The following HELZ variants were observed in gnomAD, a reference collection of about 807,000 sequenced individuals.
HELZ encodes ATP-dependent RNA helicase with zinc finger domain.
A neutral mutation model predicts 218.2 loss-of-function variants in HELZ; 23 were observed. The observed-to-expected ratio is 0.11, with a 90% confidence interval of 0.08 to 0.15. The LOEUF is 0.15. Ranked by LOEUF, HELZ falls within the 10% of genes least tolerant of loss-of-function variation. The probability of loss-of-function intolerance (pLI) is 1.00; values close to 1 mark genes in which losing one functional copy is unlikely to be tolerated. For synonymous variants in HELZ, 814 were observed against 829.4 expected, an observed-to-expected ratio of 0.98 and a Z score of 0.32; for missense variants, 1,813 against 2,353.7, an observed-to-expected ratio of 0.77 and a Z score of 4.75.
chr17:67,167,389 T>C (rs1047967264), intron 14 of HELZ, 74 bp downstream of exon 14: 13 of 1,165,638 alleles, frequency 1.1e-5, no homozygotes, highest in Admixed American at 2.2e-5. Context: ...GAAGAAAAAC[T>C]AAACCAGAGG....
At chr17:67,159,031 C>CT (rs1357554322) in intron 17 of HELZ, among the ~76,000 whole-genome samples, 10 of 151,716 alleles carry the variant, frequency 6.6e-5, no homozygotes, top group Admixed American at 6.6e-4. Context: ...CATGCTCACT[C>CT]TACCAACAAT....
intron 3 of HELZ, among the ~76,000 whole-genome samples, chr17:67,230,410 A>G (rs1237516708): frequency 6.6e-6 from 1 of 152,140 alleles, no homozygotes; most frequent in Non-Finnish European, 1.5e-5. Flanking sequence ...ATCCTGGCCA[A>G]CATGGTGAAA....
intron 3 of HELZ, among the ~76,000 whole-genome samples, chr17:67,232,130 T>C (rs1041605007): frequency 1.3e-5 from 2 of 151,862 alleles, no homozygotes; most frequent in Admixed American, 6.6e-5. Context: ...ACAGCTTTTT[T>C]ATTCATCTGT....
chr17:67,146,664 C>CATCT (rs1349310896), intron 20 of HELZ, among the ~76,000 whole-genome samples: 1 of 152,148 alleles, frequency 6.6e-6, no homozygotes, highest in Non-Finnish European at 1.5e-5. Flanking sequence ...ATGAAGACAC[C>CATCT]ATCTAGTACT....
intron 22 of HELZ, among the ~76,000 whole-genome samples, chr17:67,136,491 G>A (rs1304775189): frequency 6.6e-6 from 1 of 152,178 alleles, no homozygotes; most frequent in Admixed American, 6.5e-5. Context: ...ACAGATATCT[G>A]TATATCCACG....
intron 15 of HELZ, among the ~76,000 whole-genome samples, chr17:67,166,132 C>T (rs963017610): frequency 2.0e-5 from 3 of 152,254 alleles, no homozygotes; most frequent in Admixed American, 6.5e-5. Context: ...AAGACCCCAA[C>T]TCTAAATAAA....
intron 32 of HELZ, among the ~76,000 whole-genome samples, chr17:67,083,031 A>C (rs1220201540): frequency 2.0e-5 from 3 of 151,500 alleles, no homozygotes; most frequent in Non-Finnish European, 4.4e-5. Context: ...TAATTTTTGT[A>C]TTTTTAGCAA....
chr17:67,210,844 C>G (rs1199592945), intron 5 of HELZ, among the ~76,000 whole-genome samples: 1 of 152,138 alleles, frequency 6.6e-6, no homozygotes, highest in East Asian at 1.9e-4. Flanking sequence ...ATCGCTTGAA[C>G]CCAGGAGGCA....
chr17:67,105,804 AACTT>A (rs1346439567), intron 31 of HELZ, among the ~76,000 whole-genome samples: 1 of 152,172 alleles, frequency 6.6e-6, no homozygotes, highest in African/African-American at 2.4e-5. Flanking sequence ...TTGTGCTTCT[AACTT>A]ACTTTAAGAG....
Position 67,144,061 on chromosome 17 carries a change from G to A in HELZ, c.2769+1682C>T, listed in dbSNP as rs181765309. ...TATAAAAGATATCATTTTCCCCTAC[G>A]AATGTAACTGATGCCACTTGGTCTG... On this transcript the variant is annotated intron_variant, in intron 21 of 32. Transcript: ENST00000358691. 5.4e-3 allele frequency among the ~76,000 whole-genome samples: 825 copies of A among 152,138 alleles called. 10 individuals carry two copies. The highest frequency in any genetic ancestry group is 8.3e-3 in the Non-Finnish European group (566 of 68,012).
Position 67,109,392 on chromosome 17 carries a change from G to T in HELZ, c.4213C>A (p.Gln1405Lys), listed in dbSNP as rs780029332. ...TGAGGCTGCTGATTCAACTGACTTT[G>T]CTGCTGGACTACCTGATTTGGCTGA... ...PPQPNQVVQQQSQLNQQPQQP... is the reference protein window; with the variant it reads ...PPQPNQVVQQKSQLNQQPQQP... Residue 1405 changes from glutamine to lysine, a missense_variant, in exon 29 of 33, where the codon CAA becomes AAA. Around this residue, in one of 4 missense-constraint regions of HELZ, gnomAD observed 938 missense variants for 1,027.5 expected, o/e 0.91. Transcript: ENST00000358691. 6 of 1,614,076 alleles carry T rather than the reference G, an allele frequency of 3.7e-6. No homozygotes were observed. In the East Asian group the frequency reaches 1.3e-4, roughly 36 times the overall value.
chr17:67,136,133 T>C lies in HELZ; in HGVS notation c.3019A>G (p.Thr1007Ala), dbSNP rs2038143020. 6.2e-7 allele frequency: 1 copy of C among 1,614,046 alleles called. No individual in the cohort carries two copies. The highest frequency in any genetic ancestry group is 8.5e-7 in the Non-Finnish European group (1 of 1,179,924). Residue 1007 changes from threonine to alanine, a missense_variant, in exon 23 of 33, where the codon ACA becomes GCA. By Grantham distance (58) the Thr-to-Ala change is moderately conservative. Transcript: ENST00000358691. Reference protein sequence around the residue: ...RTRHTCKHKQTPIKKKEQLLE... With the variant: ...RTRHTCKHKQAPIKKKEQLLE... Reference sequence around the variant, plus strand: ...AGTTGCTCTTTCTTTTTAATTGGTGTCTGTTTATGTTTACAAGTATGTCTT... The same window carrying C: ...AGTTGCTCTTTCTTTTTAATTGGTGCCTGTTTATGTTTACAAGTATGTCTT...
At chr17:67,237,157 T>C (rs2041205504) in intron 3 of HELZ, among the ~76,000 whole-genome samples, 1 of 151,898 alleles carries the variant, frequency 6.6e-6, no homozygotes, top group South Asian at 2.1e-4. Flanking sequence ...CTGACCAACA[T>C]GGCAAAGTCC....
intron 5 of HELZ, among the ~76,000 whole-genome samples, chr17:67,204,727 A>T (rs2040253302): frequency 1.3e-5 from 2 of 152,032 alleles, no homozygotes; most frequent in African/African-American, 4.8e-5. Context: ...GGACGAATCT[A>T]TTGTTTCAAT....
chr17:67,101,023 T>C (rs576433906), intron 31 of HELZ, among the ~76,000 whole-genome samples: 2 of 147,374 alleles, frequency 1.4e-5, no homozygotes, highest in South Asian at 4.2e-4. Flanking sequence ...GGCAGGAGAA[T>C]GGCATGAACC....
At position 67,106,211 on chromosome 17, in the gene HELZ, T is replaced by C. The variant is rs182527721; in HGVS notation, c.5241+958A>G. ...TTTTGTAGCCTACACCACATGGTAC[T>C]GCTTTGGAAGTTTTATAACCTGGAA... On this transcript the variant is annotated intron_variant, in intron 31 of 32. Coordinates refer to ENST00000358691, the MANE Select transcript of HELZ (RefSeq NM_014877.4). 3.7e-3 allele frequency among the ~76,000 whole-genome samples: 566 copies of C among 152,012 alleles called. 4 individuals carry two copies. Among genetic ancestry groups the C allele is most frequent in the South Asian group, 5.8e-3 (28 of 4,824 alleles).
At chr17:67,205,046 G>T (rs373203348) in intron 5 of HELZ, among the ~76,000 whole-genome samples, 1 of 151,998 alleles carries the variant, frequency 6.6e-6, no homozygotes, top group South Asian at 2.1e-4. Flanking sequence ...AAATGCTCTC[G>T]CCAGGCATGG....
chr17:67,165,102 C>T (rs933264992), intron 15 of HELZ, among the ~76,000 whole-genome samples: 21 of 152,164 alleles, frequency 1.4e-4, no homozygotes, highest in Admixed American at 5.2e-4. Context: ...ATCAGTAGAT[C>T]ACCAATCACT....
chr17:67,203,199 C>A, intron 6 of HELZ, 120 bp downstream of exon 6: 1 of 1,009,258 alleles, frequency 9.9e-7, no homozygotes. Flanking sequence ...ATGAATTTTG[C>A]TTTCTAATAG....
Sources: allele counts gnomAD v4.1 joint callset (sites outside exome capture counted in the v4.1 genomes callset), GRCh38; gene constraint gnomAD v4.1.1; regional missense constraint gnomAD v4.1.1; transcripts MANE v1.5; gene names NCBI Gene and HGNC (gene_info 2026-07-23, HGNC 2026-07-21).